FBXW8: variants seen among roughly 807,000 people sequenced by gnomAD.
FBXW8 encodes F-box and WD repeat domain containing 8.
A neutral mutation model predicts 65.3 loss-of-function variants in FBXW8; 57 were observed. The observed-to-expected ratio is 0.87, with a 90% CI of 0.71 to 1.09. The LOEUF (loss-of-function observed/expected upper bound fraction) is 1.09. Among genes scored for constraint, FBXW8 ranks in the 50% least tolerant of loss-of-function variants. The pLI, the probability that FBXW8 is intolerant of heterozygous loss-of-function variation, is 0.00. For missense variants in FBXW8, 777 were observed against 814.8 expected (o/e 0.95, Z 0.57); for synonymous variants, 308 against 330.2 (o/e 0.93, Z 0.73).
chr12:117,025,960 CTGTGCGGTCCA>C (rs1163778539), intron 9 of FBXW8, among the ~76,000 whole-genome samples: 1 of 152,208 alleles, frequency 6.6e-6, no homozygotes, highest in Non-Finnish European at 1.5e-5. Flanking sequence ...GCCTCTGTCC[CTGTGCGGTCCA>C]GGCTTGTCCC....
At chr12:117,000,218 C>T (rs1158458948) in intron 7 of FBXW8, among the ~76,000 whole-genome samples, 10 of 152,112 alleles carry the variant, frequency 6.6e-5, no homozygotes, top group Non-Finnish European at 1.5e-5. Context: ...CCTCATGATC[C>T]GCCCACCTCG....
At chr12:116,988,565 G>T in intron 6 of FBXW8, 98 bp from the exon 7 acceptor site, 3 of 1,015,220 alleles carry the variant, frequency 3.0e-6, no homozygotes, top group African/African-American at 1.6e-5. Context: ...TTTTTCTGTT[G>T]GGTTGCTGGT....
At chr12:116,915,432 A>G (rs3893370) in intron 1 of FBXW8, among the ~76,000 whole-genome samples, 106,425 of 152,004 alleles carry the variant, frequency 0.7, 40,974 homozygotes, top group Non-Finnish European at 0.85. Context: ...CAAGGGCCTA[A>G]ATACACAGCT....
intron 5 of FBXW8, among the ~76,000 whole-genome samples, chr12:116,976,478 CAG>C (rs1470376008): frequency 1.6e-4 from 13 of 82,984 alleles, no homozygotes; most frequent in Admixed American, 3.4e-4. Flanking sequence ...TTTTTCAAAA[CAG>C]AGTCTCACTC....
At chr12:117,026,489 C>T (rs1954231515) in intron 9 of FBXW8, among the ~76,000 whole-genome samples, 1 of 152,042 alleles carries the variant, frequency 6.6e-6, no homozygotes, top group African/African-American at 2.4e-5. Context: ...GGTGTCCCAA[C>T]CCCAGGGAGG....
At chr12:116,965,117 A>G (rs1382583235) in intron 5 of FBXW8, among the ~76,000 whole-genome samples, 1 of 152,244 alleles carries the variant, frequency 6.6e-6, no homozygotes, top group African/African-American at 2.4e-5. Context: ...CTAGTGCCAG[A>G]CACAAGGCTG....
At chr12:116,970,575 A>G (rs376504740) in intron 5 of FBXW8, among the ~76,000 whole-genome samples, 3 of 152,214 alleles carry the variant, frequency 2.0e-5, no homozygotes, top group African/African-American at 7.2e-5. Context: ...GAGACTAGGT[A>G]CTTCTAAAGT....
chr12:116,975,609 C>A (rs1884877283), intron 5 of FBXW8, among the ~76,000 whole-genome samples: 1 of 152,188 alleles, frequency 6.6e-6, no homozygotes, highest in African/African-American at 2.4e-5. Context: ...AGTAACTTTA[C>A]AGTAGAGAAA....
intron 2 of FBXW8, 53 bp from the exon 3 acceptor site, chr12:116,945,311 A>G: frequency 6.4e-7 from 1 of 1,569,296 alleles, no homozygotes; most frequent in Non-Finnish European, 8.7e-7. Context: ...TTGGATGACA[A>G]GGGGCTTCTC....
intron 8 of FBXW8, among the ~76,000 whole-genome samples, chr12:117,023,225 C>G (rs1368705310): frequency 1.3e-5 from 2 of 152,186 alleles, no homozygotes; most frequent in African/African-American, 4.8e-5. Flanking sequence ...AATCCTGTCG[C>G]TCCACAGCTT....
At chr12:116,947,256 C>T (rs1478523275) in intron 3 of FBXW8, among the ~76,000 whole-genome samples, 1 of 152,142 alleles carries the variant, frequency 6.6e-6, no homozygotes, top group Non-Finnish European at 1.5e-5. Flanking sequence ...CACTACATGG[C>T]TGTTGATTGA....
intron 7 of FBXW8, among the ~76,000 whole-genome samples, chr12:117,000,379 C>G (rs1270017745): frequency 3.3e-5 from 5 of 152,252 alleles, no homozygotes; most frequent in African/African-American, 1.2e-4. Flanking sequence ...GTAATACTTA[C>G]CACTGTCATG....
intron 7 of FBXW8, among the ~76,000 whole-genome samples, chr12:116,993,839 C>A (rs1435678423): frequency 6.6e-6 from 1 of 152,056 alleles, no homozygotes; most frequent in African/African-American, 2.4e-5. Flanking sequence ...AAGAGTCTTT[C>A]CTAAGTTTTC....
intron 4 of FBXW8, 172 bp downstream of exon 4, chr12:116,949,878 A>AGC: frequency 1.5e-6 from 1 of 645,282 alleles, no homozygotes; most frequent in East Asian, 2.8e-5. Flanking sequence ...AGGACGTGAG[A>AGC]GCGCGCAGCA....
Position 116,911,375 on chromosome 12 carries a change from C to T in FBXW8, c.318+20C>T. 7.9e-7 allele frequency: 1 copy of T among 1,258,830 alleles called. No individual in the cohort carries two copies. Among genetic ancestry groups the T allele is most frequent in the Non-Finnish European group, 1.0e-6 (1 of 1,003,676 alleles). The allele number at this position is 1,258,830 out of a possible 1,614,324, so 78.0% of individuals were successfully genotyped here. On this transcript the variant is annotated intron_variant, in intron 1 of 10. Transcript: ENST00000652555. ...GACCTGGTGAGTGGCCGTCGCCTCC[C>T]CCCCGCCCATGCCTGCGCCGGCCCC... is the stretch of plus-strand genomic sequence containing the variant.
At chr12:116,931,255 G>T (rs1402959554) in intron 2 of FBXW8, among the ~76,000 whole-genome samples, 1 of 152,152 alleles carries the variant, frequency 6.6e-6, no homozygotes, top group Non-Finnish European at 1.5e-5. Context: ...CTGTTTTTAT[G>T]CCAGTGACAT....
intron 7 of FBXW8, among the ~76,000 whole-genome samples, chr12:117,004,412 T>C (rs2135701744): frequency 6.6e-6 from 1 of 152,358 alleles, no homozygotes; most frequent in Non-Finnish European, 1.5e-5. Flanking sequence ...TGTGAGCTAA[T>C]ACTCAGTTGA....
chr12:117,003,705 T>G (rs1357674240), intron 7 of FBXW8, among the ~76,000 whole-genome samples: 1 of 152,248 alleles, frequency 6.6e-6, no homozygotes, highest in East Asian at 1.9e-4. Context: ...GTAGTTTTGC[T>G]AGTCTTTTAC....
Position 116,911,116 on chromosome 12 carries a change from C to G in FBXW8, c.79C>G (p.Arg27Gly), listed in dbSNP as rs1207586946. 2 of 1,390,390 alleles carry G rather than the reference C, an allele frequency of 1.4e-6. No homozygotes were observed. The highest frequency in any genetic ancestry group is 9.2e-7 in the Non-Finnish European group (1 of 1,082,554). 86.1% of individuals were successfully genotyped at this position (1,390,390 alleles called of 1,614,324 possible). ...GCAGGCCCAGGCGCCGAAGAAGCGG[C>G]GACGGCCCGAGGCTGCCGAGAGGCG... ...LAQAQAPKKR[R>G]RPEAAERRAR... Residue 27 changes from arginine (R) to glycine (G), a missense_variant, in exon 1 of 11, where the codon CGA becomes GGA. By Grantham distance (125) the Arg-to-Gly change is moderately radical. Transcript: ENST00000652555.
Sources: gnomAD v4.1 joint callset for allele counts (sites outside exome capture counted in the v4.1 genomes callset) on GRCh38, gnomAD v4.1.1 for gene constraint, MANE v1.5 for transcripts, NCBI Gene and HGNC (gene_info 2026-07-23, HGNC 2026-07-21) for gene names.